The following PARD3B variants were observed in gnomAD, a reference collection of about 807,000 sequenced individuals.
PARD3B encodes the protein par-3 family cell polarity regulator beta, also known as partitioning defective 3 homolog B.
PARD3B carries 103 observed loss-of-function variants against 130.2 expected under a neutral mutation model. The ratio of observed to expected loss-of-function variants is 0.79; its 90% CI spans 0.67 to 0.93. The LOEUF is 0.93. Ranked by LOEUF, PARD3B falls within the 40% of genes least tolerant of loss-of-function variation. The pLI, the probability that PARD3B is intolerant of heterozygous loss-of-function variation, is 0.00. For missense variants in PARD3B, 1,609 were observed against 1,499.2 expected, an observed-to-expected ratio of 1.07 and a Z score of -1.21; for synonymous variants, 583 against 553.2, an observed-to-expected ratio of 1.05 and a Z score of -0.76.
At chr2:205,571,076 G>C (rs1283770106) in intron 22 of PARD3B, among the ~76,000 whole-genome samples, 1 of 152,158 alleles carries the variant, frequency 6.6e-6, no homozygotes, top group South Asian at 2.1e-4. Context: ...TATTTGAAAA[G>C]CATAGAGACT....
chr2:205,206,216 C>CTTTTTTTTTTTTTT (rs201694463), intron 15 of PARD3B, among the ~76,000 whole-genome samples: 1 of 127,890 alleles, frequency 7.8e-6, no homozygotes, highest in Non-Finnish European at 1.7e-5. Context: ...TTTTTTTTTT[C>CTTTTTTTTTTTTTT]TTTTTTTTTT....
In PARD3B at chr2:205,078,794, G is replaced by T. The variant is rs908610832; in HGVS notation, c.505-25632G>T. Among the ~76,000 whole-genome samples the T allele has an allele frequency of 6.6e-6, 1 of 152,172 alleles. No homozygotes were observed. The highest frequency in any genetic ancestry group is 1.5e-5 in the Non-Finnish European group (1 of 68,044). ...TTCCATCTGATTCCCTTGGGCATTT[G>T]CTCTGGGACAAGCCAGATGCCATGT... is the stretch of plus-strand genomic sequence containing the variant. On this transcript the variant is annotated intron_variant, in intron 4 of 22. Transcript: ENST00000406610. The surrounding 1 kb of genome is among the most constrained non-coding windows in gnomAD (Gnocchi z 4.0).
intron 11 of PARD3B, among the ~76,000 whole-genome samples, chr2:205,171,993 T>C (rs559656191): frequency 5.3e-5 from 8 of 152,318 alleles, no homozygotes; most frequent in African/African-American, 1.7e-4. Flanking sequence ...ACTCTAAGAT[T>C]TCTAAAAAAT....
At chr2:205,070,036 T>C (rs1361466468) in intron 4 of PARD3B, among the ~76,000 whole-genome samples, 1 of 152,168 alleles carries the variant, frequency 6.6e-6, no homozygotes. Flanking sequence ...TCAGCCTTCC[T>C]TGGGGTCACT....
chr2:205,237,315 T>C (rs570928701), intron 15 of PARD3B, among the ~76,000 whole-genome samples: 1 of 152,254 alleles, frequency 6.6e-6, no homozygotes, highest in African/African-American at 2.4e-5. Context: ...TTGACCAGGC[T>C]AGTCTTGAAT....
At chr2:204,933,295 G>T (rs1688164040) in intron 2 of PARD3B, among the ~76,000 whole-genome samples, 1 of 152,148 alleles carries the variant, frequency 6.6e-6, no homozygotes, top group Non-Finnish European at 1.5e-5. Flanking sequence ...GTGTGTGGAT[G>T]TAGGGATTCA....
chr2:204,789,022 T>C (rs1484367897), intron 2 of PARD3B, among the ~76,000 whole-genome samples: 2 of 152,188 alleles, frequency 1.3e-5, no homozygotes, highest in African/African-American at 4.8e-5. Flanking sequence ...GCAGTTGTCA[T>C]GTTCTATTAT....
chr2:205,016,823 A>G (rs1279290109), intron 3 of PARD3B, among the ~76,000 whole-genome samples: 3 of 152,138 alleles, frequency 2.0e-5, no homozygotes, highest in African/African-American at 7.2e-5. Flanking sequence ...TTCTTAGCCT[A>G]CTGTCTTGAA....
chr2:204,775,423 C>T (rs1419848886), intron 2 of PARD3B, among the ~76,000 whole-genome samples: 1 of 152,122 alleles, frequency 6.6e-6, no homozygotes, highest in East Asian at 1.9e-4. Context: ...AATGTTATCT[C>T]TTTTAATCCC....
At chr2:205,096,111 C>T (rs1231233539) in intron 4 of PARD3B, among the ~76,000 whole-genome samples, 1 of 152,102 alleles carries the variant, frequency 6.6e-6, no homozygotes, top group African/African-American at 2.4e-5. Flanking sequence ...TCCAAGAAAA[C>T]ATTTGGTCAA....
chr2:205,553,504 G>A, intron 22 of PARD3B, 101 bp downstream of exon 22: 1 of 1,232,340 alleles, frequency 8.1e-7, no homozygotes, highest in South Asian at 1.3e-5. Context: ...TAGGGAATAT[G>A]TTATAATTTT....
chr2:204,806,106 T>A (rs2042759992), intron 2 of PARD3B, among the ~76,000 whole-genome samples: 1 of 151,852 alleles, frequency 6.6e-6, no homozygotes, highest in South Asian at 2.1e-4. Flanking sequence ...AAAGTGCTCA[T>A]GACATTCTTC....
chr2:205,193,157 A>G lies in PARD3B; in HGVS notation c.2025-48A>G, dbSNP rs747893534. 60 of 1,383,764 alleles carry G rather than the reference A, an allele frequency of 4.3e-5. No homozygotes were observed. The South Asian group carries it at 7.0e-4, about 16-fold the overall frequency. 85.7% of individuals were successfully genotyped at this position (1,383,764 alleles called of 1,614,324 possible). On this transcript the variant is annotated intron_variant, in intron 14 of 22. Coordinates refer to ENST00000406610, the MANE Select transcript of PARD3B (RefSeq NM_001302769.2). The stretch of plus-strand genomic sequence containing the variant: ...ATGAGAACTGCTTCCTCATTTTTTA[A>G]AAGATTTTATTCTAAACCTAAATAC...
intron 18 of PARD3B, among the ~76,000 whole-genome samples, chr2:205,379,350 A>C (rs189086848): frequency 2.0e-5 from 3 of 152,166 alleles, no homozygotes; most frequent in Non-Finnish European, 4.4e-5. Flanking sequence ...ATTGGCCTCC[A>C]GTGAACCTGG....
In PARD3B at chr2:204,625,499, A is replaced by G. The variant is rs1023918369; in HGVS notation, c.121-60682A>G. ...TAAGGGATTGTTGTTGACTTTGTAC[A>G]CTAAGTCTCTTGAAGCATTGACAAT... On this transcript the variant is annotated intron_variant, in intron 1 of 22. Transcript: ENST00000406610. Among the ~76,000 whole-genome samples the G allele has an allele frequency of 9.2e-5, 14 of 152,326 alleles. No homozygotes were observed. The South Asian group carries it at 2.9e-3, about 32-fold the overall frequency.
intron 18 of PARD3B, among the ~76,000 whole-genome samples, chr2:205,307,393 A>AATT (rs1479362192): frequency 2.6e-5 from 4 of 152,142 alleles, no homozygotes; most frequent in Admixed American, 6.6e-5. Flanking sequence ...ATAGACCATG[A>AATT]ATTATTATTA....
rs190897963 is a variant in PARD3B, at chr2:204,589,538, C to T, written c.120+43419C>T. 7.4e-5 allele frequency among the ~76,000 whole-genome samples: 11 copies of T among 149,540 alleles called. No individual in the cohort carries two copies. The East Asian group carries it at 2.1e-3, about 29-fold the overall frequency. On this transcript the variant is annotated intron_variant, in intron 1 of 22. Transcript: ENST00000406610. ...CCTAGCAATGTGAAAACAGTTAAAT[C>T]TAGAAGACCAAATATAGCTGTTGCA... is the stretch of plus-strand genomic sequence containing the variant.
At chr2:205,141,741 A>T (rs2032972256) in intron 10 of PARD3B, among the ~76,000 whole-genome samples, 1 of 152,216 alleles carries the variant, frequency 6.6e-6, no homozygotes, top group African/African-American at 2.4e-5. Context: ...TATATTATCT[A>T]ATGTTCCAAA....
chr2:205,450,466 CTTTT>C (rs869229400), intron 20 of PARD3B, among the ~76,000 whole-genome samples: 2 of 78,382 alleles, frequency 2.6e-5, no homozygotes, highest in East Asian at 4.0e-4. Context: ...AGTGCAGATT[CTTTT>C]TTTTTTTTTT....
Sources: gnomAD v4.1 joint callset for allele counts (sites outside exome capture counted in the v4.1 genomes callset) on GRCh38, gnomAD v4.1.1 for gene constraint, Gnocchi (gnomAD v3.1) non-coding constraint, MANE v1.5 for transcripts, NCBI Gene and HGNC (gene_info 2026-07-23, HGNC 2026-07-21) for gene names.